The following DAB1 variants were observed in gnomAD, a reference collection of about 807,000 sequenced individuals.
DAB1 encodes DAB adaptor protein 1.
DAB1 carries 15 observed loss-of-function variants against 64.6 expected under a neutral mutation model. The observed-to-expected ratio is 0.23, with a 90% CI of 0.16 to 0.36. DAB1 has a LOEUF of 0.36. Ranked by LOEUF, DAB1 falls within the 10% of genes least tolerant of loss-of-function variation. The probability of loss-of-function intolerance (pLI) is 1.00; values close to 1 mark genes in which losing one functional copy is unlikely to be tolerated. For synonymous variants in DAB1, 235 were observed against 251.9 expected, an observed-to-expected ratio of 0.93 and a Z score of 0.64; for missense variants, 596 against 706.7, an observed-to-expected ratio of 0.84 and a Z score of 1.78.
intron 6 of DAB1, chr1:57,071,276 T>C: frequency 1.5e-6 from 1 of 646,902 alleles, no homozygotes; most frequent in Non-Finnish European, 2.6e-6. Flanking sequence ...CAATTGTGTT[T>C]CTTGGGTCCT....
At chr1:58,249,357 A>T (rs1166228419) in intron 4 of DAB1, among the ~76,000 whole-genome samples, 1 of 151,216 alleles carries the variant, frequency 6.6e-6, no homozygotes, top group African/African-American at 2.4e-5. Context: ...CCACCTCATC[A>T]TCAGTGAAAG....
In DAB1 at chr1:57,095,929, T is replaced by C. The variant is rs565048326; in HGVS notation, c.307-23515A>G. Among the ~76,000 whole-genome samples, 5 of 152,312 alleles carry C rather than the reference T, an allele frequency of 3.3e-5. No homozygotes were observed. The South Asian group carries it at 6.2e-4, about 19-fold the overall frequency. ...ATATGAGAAAGAATAATGCTTCCCA[T>C]CAAAATAAATATGGCAATGGTGACA... On this transcript the variant is annotated intron_variant, in intron 4 of 14. Transcript: ENST00000371236.
intron 4 of DAB1, among the ~76,000 whole-genome samples, chr1:58,222,976 T>C (rs752418504): frequency 6.6e-6 from 1 of 152,196 alleles, no homozygotes; most frequent in Non-Finnish European, 1.5e-5. Context: ...ATTCCTGATC[T>C]GAGTCCCATG....
At chr1:57,334,870 C>T (rs1676955780) in intron 1 of DAB1, among the ~76,000 whole-genome samples, 1 of 152,094 alleles carries the variant, frequency 6.6e-6, no homozygotes, top group Non-Finnish European at 1.5e-5. Context: ...CATGAACATC[C>T]TAGAGAAAGT....
chr1:57,714,844 T>G (rs1201469333), intron 6 of DAB1, among the ~76,000 whole-genome samples: 3 of 152,022 alleles, frequency 2.0e-5, no homozygotes, highest in African/African-American at 7.2e-5. Context: ...TGTAAAGGTA[T>G]GATTGGGAAA....
At chr1:57,175,652 C>T (rs916546502) in intron 2 of DAB1, among the ~76,000 whole-genome samples, 8 of 152,116 alleles carry the variant, frequency 5.3e-5, no homozygotes, top group African/African-American at 1.9e-4. Context: ...AATAATAGGG[C>T]TATAAAATAG....
At chr1:58,424,971 G>A (rs922657873) in intron 3 of DAB1, among the ~76,000 whole-genome samples, 2 of 152,058 alleles carry the variant, frequency 1.3e-5, no homozygotes, top group African/African-American at 4.8e-5. Context: ...GTTTTCCATA[G>A]GATACTAGTA....
intron 1 of DAB1, among the ~76,000 whole-genome samples, chr1:57,306,382 C>T (rs1674171792): frequency 6.6e-6 from 1 of 152,170 alleles, no homozygotes; most frequent in Non-Finnish European, 1.5e-5. Flanking sequence ...TGCAAGAAAG[C>T]TCCACATATA....
At chr1:57,490,476 G>A (rs1039055042) in intron 7 of DAB1, among the ~76,000 whole-genome samples, 1 of 151,780 alleles carries the variant, frequency 6.6e-6, no homozygotes, top group Non-Finnish European at 1.5e-5. Flanking sequence ...TTAATGTATA[G>A]GATTGCCTAG....
At chr1:57,601,569 G>A (rs1375208563) in intron 7 of DAB1, among the ~76,000 whole-genome samples, 1 of 151,926 alleles carries the variant, frequency 6.6e-6, no homozygotes, top group Non-Finnish European at 1.5e-5. Context: ...CTCCAGCCTG[G>A]GCGACAGAGC....
intron 1 of DAB1, among the ~76,000 whole-genome samples, chr1:57,310,618 A>ACTTTTGTG (rs1383451267): frequency 6.6e-6 from 1 of 152,086 alleles, no homozygotes. Context: ...GGAAAGGAAA[A>ACTTTTGTG]CTTTTGTGAG....
At chr1:58,195,333 G>A (rs1179439293) in intron 4 of DAB1, among the ~76,000 whole-genome samples, 1 of 152,190 alleles carries the variant, frequency 6.6e-6, no homozygotes, top group African/African-American at 2.4e-5. Flanking sequence ...TTAAGGATGA[G>A]CAAGAATTTG....
At chr1:58,139,141 C>T (rs553532641) in intron 5 of DAB1, among the ~76,000 whole-genome samples, 32 of 152,124 alleles carry the variant, frequency 2.1e-4, no homozygotes, top group Non-Finnish European at 3.8e-4. Flanking sequence ...AGCACGAAAA[C>T]CTCTCACTGT....
chr1:57,919,133 C>T (rs372026356), intron 5 of DAB1, among the ~76,000 whole-genome samples: 11 of 152,210 alleles, frequency 7.2e-5, no homozygotes, highest in African/African-American at 2.7e-4. Context: ...TGCCCCCTTA[C>T]TCTCCATTTC....
At chr1:57,003,431 C>T (rs949429914) in intron 14 of DAB1, among the ~76,000 whole-genome samples, 4 of 152,170 alleles carry the variant, frequency 2.6e-5, no homozygotes, top group Non-Finnish European at 4.4e-5. Context: ...AACCTGGGCT[C>T]CCTGCAGTTG....
intron 6 of DAB1, among the ~76,000 whole-genome samples, chr1:57,774,737 T>G (rs769959165): frequency 3.3e-5 from 5 of 151,808 alleles, no homozygotes; most frequent in Non-Finnish European, 7.4e-5. Flanking sequence ...CAACCAATGT[T>G]GTGTTCTGGA....
chr1:57,127,879 A>G (rs1228564354), intron 4 of DAB1, among the ~76,000 whole-genome samples: 2 of 152,150 alleles, frequency 1.3e-5, no homozygotes, highest in African/African-American at 4.8e-5. Flanking sequence ...CGGGCGTGGT[A>G]GTTCACACCT....
intron 3 of DAB1, among the ~76,000 whole-genome samples, chr1:58,430,092 G>T (rs934316328): frequency 1.3e-5 from 2 of 152,094 alleles, no homozygotes; most frequent in Admixed American, 6.6e-5. Flanking sequence ...CCTCCTAAAG[G>T]CCCCATCTCC....
At chr1:57,448,178 A>G (rs1686220305) in intron 7 of DAB1, among the ~76,000 whole-genome samples, 1 of 152,320 alleles carries the variant, frequency 6.6e-6, no homozygotes, top group South Asian at 2.1e-4. Flanking sequence ...CAAATCCTAA[A>G]TTTCCCAATA....
Sources: gnomAD v4.1 joint callset for allele counts (sites outside exome capture counted in the v4.1 genomes callset) on GRCh38, gnomAD v4.1.1 for gene constraint, MANE v1.5 for transcripts, NCBI Gene and HGNC (gene_info 2026-07-23, HGNC 2026-07-21) for gene names.